The following CAMTA1 variants were observed in gnomAD, a reference collection of about 807,000 sequenced individuals.
CAMTA1 encodes the protein calmodulin-binding transcription activator 1.
Under a neutral mutation model 170.9 loss-of-function variants are expected in CAMTA1, and 27 were observed. The ratio of observed to expected loss-of-function variants is 0.16; its 90% CI spans 0.12 to 0.22. CAMTA1 has a LOEUF of 0.22. Ranked by LOEUF, CAMTA1 falls within the 10% of genes least tolerant of loss-of-function variation. The pLI, the probability that CAMTA1 is intolerant of heterozygous loss-of-function variation, is 1.00. For synonymous variants in CAMTA1, 833 were observed against 891.5 expected, an observed-to-expected ratio of 0.93 and a Z score of 1.17; for missense variants, 1,619 against 2,217.2, an observed-to-expected ratio of 0.73 and a Z score of 5.42.
At chr1:7,720,617 G>A (rs2096643282) in intron 11 of CAMTA1, among the ~76,000 whole-genome samples, 1 of 152,174 alleles carries the variant, frequency 6.6e-6, no homozygotes, top group African/African-American at 2.4e-5. Context: ...CTGACCTCAA[G>A]TGATCTGCCT....
rs771306457 is a variant in CAMTA1, at chr1:7,724,648, T to C, written c.2915-7800T>C. Among the ~76,000 whole-genome samples, 83 of 151,782 alleles carry C rather than the reference T, an allele frequency of 5.5e-4. 2 individuals carry two copies. The highest frequency in any genetic ancestry group is 2.8e-4 in the Non-Finnish European group (19 of 67,942). The stretch of plus-strand genomic sequence containing the variant: ...GAGATTGAGACCATCCTGGCTAACA[T>C]GGTGAAACTCCATCAATACAAAAAA... On this transcript the variant is annotated intron_variant, in intron 11 of 22. Transcript: ENST00000303635.
intron 6 of CAMTA1, among the ~76,000 whole-genome samples, chr1:7,468,778 G>A (rs1442004494): frequency 1.3e-5 from 2 of 152,206 alleles, no homozygotes; most frequent in Non-Finnish European, 2.9e-5. Flanking sequence ...GTTGTTCAAG[G>A]CAGCAAACCC....
chr1:6,899,593 CAG>C (rs1186478366), intron 3 of CAMTA1, among the ~76,000 whole-genome samples: 3 of 148,188 alleles, frequency 2.0e-5, no homozygotes, highest in Non-Finnish European at 4.5e-5. Context: ...CACACACACA[CAG>C]AGTTTCACTA....
chr1:7,705,038 G>C (rs1203797258), intron 11 of CAMTA1, among the ~76,000 whole-genome samples: 1 of 147,916 alleles, frequency 6.8e-6, no homozygotes, highest in Non-Finnish European at 1.5e-5. Flanking sequence ...GCGGCCACGC[G>C]TGTTTCTGGC....
At chr1:6,888,598 C>T (rs746725744) in intron 3 of CAMTA1, among the ~76,000 whole-genome samples, 16 of 152,116 alleles carry the variant, frequency 1.1e-4, no homozygotes, top group East Asian at 1.9e-4. Context: ...ATTTTGGCAT[C>T]GAGTAAACAA....
intron 5 of CAMTA1, among the ~76,000 whole-genome samples, chr1:7,383,069 A>C (rs1385530839): frequency 6.6e-6 from 1 of 152,202 alleles, no homozygotes; most frequent in Non-Finnish European, 1.5e-5. Flanking sequence ...TTAGCGTTCT[A>C]TGTGGGAAGA....
At chr1:6,854,356 G>A (rs1034701221) in intron 3 of CAMTA1, among the ~76,000 whole-genome samples, 5 of 152,180 alleles carry the variant, frequency 3.3e-5, no homozygotes, top group Non-Finnish European at 7.4e-5. Flanking sequence ...ATATGGCTTA[G>A]GAATGTGGAA....
chr1:6,914,007 C>G (rs1207222573), intron 3 of CAMTA1, among the ~76,000 whole-genome samples: 1 of 151,956 alleles, frequency 6.6e-6, no homozygotes, highest in Non-Finnish European at 1.5e-5. Context: ...TTTTGGGACA[C>G]TGGGCACAAA....
intron 5 of CAMTA1, among the ~76,000 whole-genome samples, chr1:7,430,502 G>A (rs986539458): frequency 6.6e-6 from 1 of 152,018 alleles, no homozygotes; most frequent in African/African-American, 2.4e-5. Flanking sequence ...TTTTGGTGGT[G>A]GTGATGATGA....
chr1:7,269,190 C>A (rs1276731620), intron 5 of CAMTA1, among the ~76,000 whole-genome samples: 1 of 152,220 alleles, frequency 6.6e-6, no homozygotes, highest in African/African-American at 2.4e-5. Flanking sequence ...GAGGTCTCAT[C>A]TGAAGGCTTG....
intron 3 of CAMTA1, among the ~76,000 whole-genome samples, chr1:7,090,124 C>T (rs1329932535): frequency 1.3e-5 from 2 of 152,106 alleles, no homozygotes; most frequent in African/African-American, 4.8e-5. Context: ...GTGGCCGGCT[C>T]CATGGGATGT....
chr1:7,020,606 CT>C (rs1466050938), intron 3 of CAMTA1, among the ~76,000 whole-genome samples: 3 of 152,234 alleles, frequency 2.0e-5, no homozygotes, highest in African/African-American at 7.2e-5. Flanking sequence ...CCACCCCCTA[CT>C]GTAGGCTGAG....
intron 5 of CAMTA1, among the ~76,000 whole-genome samples, chr1:7,400,551 T>A (rs1003424240): frequency 6.6e-6 from 1 of 152,182 alleles, no homozygotes; most frequent in Non-Finnish European, 1.5e-5. Flanking sequence ...GTTGTTTTTT[T>A]TTCATGTTTG....
chr1:7,578,283 A>G (rs1351813477), intron 6 of CAMTA1, among the ~76,000 whole-genome samples: 2 of 152,134 alleles, frequency 1.3e-5, no homozygotes, highest in African/African-American at 4.8e-5. Flanking sequence ...GGCCTGCTCC[A>G]GGGTCATGCA....
chr1:7,151,523 C>T (rs1646578640), intron 4 of CAMTA1, among the ~76,000 whole-genome samples: 1 of 152,186 alleles, frequency 6.6e-6, no homozygotes, highest in Non-Finnish European at 1.5e-5. Context: ...TAGCCATCCT[C>T]CGAGACGGGA....
intron 4 of CAMTA1, among the ~76,000 whole-genome samples, chr1:7,139,462 G>T (rs1019806879): frequency 6.6e-6 from 1 of 151,670 alleles, no homozygotes; most frequent in African/African-American, 2.4e-5. Flanking sequence ...CAGCGATTCT[G>T]CTTTGCCCCT....
At chr1:7,121,797 C>T (rs898587232) in intron 4 of CAMTA1, among the ~76,000 whole-genome samples, 1 of 152,142 alleles carries the variant, frequency 6.6e-6, no homozygotes, top group Non-Finnish European at 1.5e-5. Flanking sequence ...GCTGGGGACC[C>T]ACAGTGGAGC....
intron 3 of CAMTA1, among the ~76,000 whole-genome samples, chr1:6,974,150 A>G (rs747607648): frequency 6.6e-6 from 1 of 152,104 alleles, no homozygotes; most frequent in Non-Finnish European, 1.5e-5. Context: ...TTTGTAATAT[A>G]TTGTTCTCAG....
Position 7,737,021 on chromosome 1 carries a change from A to G in CAMTA1, c.3342+12A>G. The G allele has an allele frequency of 6.3e-7, 1 of 1,592,000 alleles. No individual in the cohort carries two copies. Among genetic ancestry groups the G allele is most frequent in the South Asian group, 1.1e-5 (1 of 90,130 alleles). ...CCTGTACTCCTCTGGTAAGGAATGG[A>G]TTCCTGTAGCCCCCCCTTGCTGTTC... On this transcript the variant is annotated intron_variant, in intron 14 of 22. Coordinates refer to ENST00000303635, the MANE Select transcript of CAMTA1 (RefSeq NM_015215.4).
Sources: allele counts gnomAD v4.1 joint callset (sites outside exome capture counted in the v4.1 genomes callset), GRCh38; gene constraint gnomAD v4.1.1; transcripts MANE v1.5; gene names NCBI Gene and HGNC (gene_info 2026-07-23, HGNC 2026-07-21).